MLXIP: variants seen among roughly 807,000 people sequenced by gnomAD.
MLXIP encodes the protein MLX interacting protein, also known as MLX-interacting protein.
Under a neutral mutation model 87.2 loss-of-function variants are expected in MLXIP, and 30 were observed. The ratio of observed to expected loss-of-function variants is 0.34; its 90% confidence interval spans 0.26 to 0.47. The LOEUF is 0.47. Among genes scored for constraint, MLXIP ranks in the 20% least tolerant of loss-of-function variants. MLXIP has a pLI of 1.00. For synonymous variants in MLXIP, 530 were observed against 514.0 expected (o/e 1.03, Z -0.42); for missense variants, 1,002 against 1,240.1 (o/e 0.81, Z 2.88).
chr12:122,138,625 C>G (rs1451885016), intron 14 of MLXIP, 74 bp downstream of exon 14: 9 of 1,539,996 alleles, frequency 5.8e-6, no homozygotes, highest in Non-Finnish European at 6.1e-6. Flanking sequence ...GGTGGTGGGA[C>G]CCTGTGGCCT....
Position 122,147,293 on chromosome 12 carries a change from T to A in MLXIP, c.*5481T>A, listed in dbSNP as rs1297138210. On this transcript the variant is annotated 3_prime_UTR_variant, in exon 17 of 17. Coordinates refer to ENST00000319080, the MANE Select transcript of MLXIP (RefSeq NM_014938.6). ...TGTATTCAACACTACAATGCATTTT[T>A]TAAACTATATTTGCATCCAAGACAA... is the stretch of plus-strand genomic sequence containing the variant. The A allele has an allele frequency of 1.3e-5, 2 of 152,238 alleles. No homozygotes were observed. Among genetic ancestry groups the A allele is most frequent in the Non-Finnish European group, 2.9e-5 (2 of 68,052 alleles). The allele number at this position is 152,238 out of a possible 1,614,324, so 9.4% of individuals were successfully genotyped here. A position where few individuals can be genotyped will look rare whatever the true frequency, so the allele number is the denominator to read the frequency against.
At chr12:122,129,920 C>T in intron 5 of MLXIP, 21 bp from the exon 6 acceptor site, 4 of 1,597,378 alleles carry the variant, frequency 2.5e-6, no homozygotes, top group Non-Finnish European at 3.4e-6. Flanking sequence ...TGCTTCCTCC[C>T]CTGTGTTGGT....
intron 1 of MLXIP, among the ~76,000 whole-genome samples, chr12:122,113,681 C>CTTTTTTTTTTTTTTTT (rs1173711241): frequency 8.9e-5 from 9 of 100,702 alleles, no homozygotes; most frequent in South Asian, 3.4e-4. Context: ...GCCTTCATTT[C>CTTTTTTTTTTTTTTTT]TTTTTTTTTT....
intron 1 of MLXIP, among the ~76,000 whole-genome samples, chr12:122,110,596 C>T (rs1952590322): frequency 1.3e-5 from 2 of 151,664 alleles, no homozygotes; most frequent in South Asian, 4.2e-4. Context: ...CTGGGAGACG[C>T]TTATCTTTAC....
Position 122,133,220 on chromosome 12 carries a change from G to A in MLXIP, c.1093-128G>A, listed in dbSNP as rs548096547. On this transcript the variant is annotated intron_variant, in intron 8 of 16. Coordinates refer to ENST00000319080, the MANE Select transcript of MLXIP (RefSeq NM_014938.6). This position sits in a 1 kb window ranked among gnomAD's most constrained non-coding sequence, Gnocchi z 4.9. ...CCCTATCAGATCAGCAGCCATGGAC[G>A]TGGAGACGTGGCCTTTGTCCCTCTG... The A allele has an allele frequency of 1.4e-5, 14 of 1,019,028 alleles. No individual in the cohort carries two copies. Among genetic ancestry groups the A allele is most frequent in the East Asian group, 2.5e-5 (1 of 39,676 alleles). The allele number at this position is 1,019,028 out of a possible 1,614,324, so 63.1% of individuals were successfully genotyped here. A position where few individuals can be genotyped will look rare whatever the true frequency, so the allele number is the denominator to read the frequency against.
chr12:122,084,517 T>G (rs1940397560), intron 1 of MLXIP, among the ~76,000 whole-genome samples: 1 of 152,148 alleles, frequency 6.6e-6, no homozygotes, highest in South Asian at 2.1e-4. Flanking sequence ...ACTGAACATT[T>G]ATTATGTTCC....
intron 1 of MLXIP, among the ~76,000 whole-genome samples, chr12:122,093,671 TG>T (rs1952288355): frequency 8.2e-6 from 1 of 121,842 alleles, no homozygotes; most frequent in Non-Finnish European, 1.7e-5. Context: ...TATGTGTGTG[TG>T]GTGTATGTGT....
At chr12:122,093,482 T>G in intron 1 of MLXIP, among the ~76,000 whole-genome samples, 1 of 139,414 alleles carries the variant, frequency 7.2e-6, no homozygotes, top group Non-Finnish European at 1.5e-5. Context: ...GTGTTTGGTG[T>G]GTGGTGTGTG....
At chr12:122,108,522 A>G (rs930203429) in intron 1 of MLXIP, among the ~76,000 whole-genome samples, 6 of 152,058 alleles carry the variant, frequency 3.9e-5, no homozygotes, top group African/African-American at 1.2e-4. Context: ...TAGTCAAAAA[A>G]TCAACATAAA....
chr12:122,082,987 ATTTT>A (rs1325823491), intron 1 of MLXIP, among the ~76,000 whole-genome samples: 1 of 152,090 alleles, frequency 6.6e-6, no homozygotes, highest in Non-Finnish European at 1.5e-5. Flanking sequence ...TGCCTGGCTA[ATTTT>A]TTATTTTTTG....
chr12:122,134,106 C>T (rs1172054300), intron 9 of MLXIP, 119 bp downstream of exon 9: 2 of 1,160,654 alleles, frequency 1.7e-6, no homozygotes, highest in South Asian at 1.7e-5. Flanking sequence ...CGTGCATGCG[C>T]ACACACATAC....
intron 6 of MLXIP, among the ~76,000 whole-genome samples, 189 bp downstream of exon 6, chr12:122,130,301 G>A (rs903442861): frequency 6.6e-6 from 1 of 152,114 alleles, no homozygotes; most frequent in African/African-American, 2.4e-5. Context: ...AGTGGGTGGG[G>A]TCTGCAGAGT....
At chr12:122,087,148 G>T (rs1044811150) in intron 1 of MLXIP, among the ~76,000 whole-genome samples, 1 of 152,172 alleles carries the variant, frequency 6.6e-6, no homozygotes. Flanking sequence ...AGAGCATGAG[G>T]CTGGCTATGA....
rs146320222 is a variant in MLXIP, at chr12:122,146,701, G to A, written c.*4889G>A. ...TGTTTTGTGAAATTCCCCTCCAATC[G>A]TGTCAGAATTTACCTCCATGCCCCA... is the stretch of plus-strand genomic sequence containing the variant. On this transcript the variant is annotated 3_prime_UTR_variant, in exon 17 of 17. Coordinates refer to ENST00000319080, the MANE Select transcript of MLXIP (RefSeq NM_014938.6). 7.2e-3 allele frequency: 1,102 copies of A among 152,252 alleles called. 8 individuals are homozygous for A. The highest frequency in any genetic ancestry group is 0.019 in the African/African-American group (791 of 41,514). The allele number at this position is 152,252 out of a possible 1,614,324, so 9.4% of individuals were successfully genotyped here.
At chr12:122,100,387 AT>A (rs1952419192) in intron 1 of MLXIP, among the ~76,000 whole-genome samples, 1 of 152,200 alleles carries the variant, frequency 6.6e-6, no homozygotes, top group Non-Finnish European at 1.5e-5. Context: ...ATCACTGTTT[AT>A]TTTGTTTAAT....
chr12:122,103,221 ATTTATTTATT>A (rs1565965616), intron 1 of MLXIP, among the ~76,000 whole-genome samples: 59,173 of 148,178 alleles, frequency 0.4, 11,882 homozygotes, highest in Middle Eastern at 0.54. Context: ...TTATTTATTT[ATTTATTTATT>A]TATTTATTTT....
chr12:122,098,782 G>A (rs919746392), intron 1 of MLXIP, among the ~76,000 whole-genome samples: 8 of 152,204 alleles, frequency 5.3e-5, no homozygotes, highest in East Asian at 1.9e-4. Flanking sequence ...TGTGGTTTGC[G>A]TCGCTCCGGT....
chr12:122,140,856 C>A (rs1176595553), intron 15 of MLXIP, 98 bp from the exon 16 acceptor site: 1 of 1,580,256 alleles, frequency 6.3e-7, no homozygotes, highest in Admixed American at 1.7e-5. Context: ...AGATACTTTC[C>A]AGCCCCAGGG....
At chr12:122,112,967 A>C (rs969854214) in intron 1 of MLXIP, among the ~76,000 whole-genome samples, 3 of 110,766 alleles carry the variant, frequency 2.7e-5, no homozygotes, top group African/African-American at 4.0e-5. Context: ...CAAAAAACAG[A>C]AGCATAAAAA....
Sources: allele counts gnomAD v4.1 joint callset (sites outside exome capture counted in the v4.1 genomes callset), GRCh38; gene constraint gnomAD v4.1.1; non-coding constraint Gnocchi (gnomAD v3.1); transcripts MANE v1.5; gene names NCBI Gene and HGNC (gene_info 2026-07-23, HGNC 2026-07-21).